The following GAS2 variants were observed in gnomAD, a reference collection of about 807,000 sequenced individuals.
The protein encoded by GAS2 is growth arrest-specific protein 2.
A neutral mutation model predicts 37.5 loss-of-function variants in GAS2; 20 were observed. That is an observed-to-expected ratio of 0.53 (90% CI 0.37 to 0.77). The LOEUF is 0.77. Ranked by LOEUF, GAS2 falls within the 30% of genes least tolerant of loss-of-function variation. The pLI is 0.00. For missense variants in GAS2, 336 were observed against 373.4 expected, an observed-to-expected ratio of 0.90 and a Z score of 0.82; for synonymous variants, 144 against 132.2, an observed-to-expected ratio of 1.09 and a Z score of -0.61.
intron 7 of GAS2, among the ~76,000 whole-genome samples, chr11:22,785,159 C>CT (rs1420038086): frequency 6.6e-6 from 1 of 152,164 alleles, no homozygotes; most frequent in African/African-American, 2.4e-5. Flanking sequence ...CTCTCCCACA[C>CT]TTTGCATCAT....
At chr11:22,707,278 C>T (rs1851174379) in intron 3 of GAS2, among the ~76,000 whole-genome samples, 1 of 152,164 alleles carries the variant, frequency 6.6e-6, no homozygotes, top group African/African-American at 2.4e-5. Flanking sequence ...TGCATTGTAC[C>T]TTCATGAGTA....
intron 1 of GAS2, chr11:22,672,513 G>T (rs1013224210): frequency 5.3e-5 from 8 of 152,106 alleles, no homozygotes; most frequent in African/African-American, 1.9e-4. Flanking sequence ...AGAATCTGAG[G>T]TGTCTTCTTG....
chr11:22,798,667 C>T (rs542493722), intron 7 of GAS2, among the ~76,000 whole-genome samples: 2 of 151,998 alleles, frequency 1.3e-5, no homozygotes, highest in East Asian at 1.9e-4. Flanking sequence ...TGTAATCGCA[C>T]GTAACTAGAG....
chr11:22,800,756 T>A (rs1257718811), intron 7 of GAS2, among the ~76,000 whole-genome samples: 1 of 152,122 alleles, frequency 6.6e-6, no homozygotes, highest in Non-Finnish European at 1.5e-5. Flanking sequence ...TTCAAGCAGA[T>A]CTATGCTGGG....
At chr11:22,705,224 G>T (rs1851053229) in intron 3 of GAS2, among the ~76,000 whole-genome samples, 1 of 152,032 alleles carries the variant, frequency 6.6e-6, no homozygotes, top group South Asian at 2.1e-4. Flanking sequence ...AGCCACACTG[G>T]ACTCCTTGCA....
intron 5 of GAS2, among the ~76,000 whole-genome samples, chr11:22,747,544 T>C (rs1257188491): frequency 1.3e-5 from 2 of 152,108 alleles, no homozygotes; most frequent in East Asian, 3.9e-4. Flanking sequence ...TCCTAACACA[T>C]AGCACCCCTC....
At chr11:22,752,698 AC>A (rs1853810152) in intron 6 of GAS2, among the ~76,000 whole-genome samples, 1 of 151,812 alleles carries the variant, frequency 6.6e-6, no homozygotes, top group African/African-American at 2.4e-5. Flanking sequence ...GGAAAAAAAA[AC>A]AAGAAGAAGA....
chr11:22,752,841 A>C (rs1325672853), intron 6 of GAS2, among the ~76,000 whole-genome samples: 1 of 152,108 alleles, frequency 6.6e-6, no homozygotes, highest in East Asian at 1.9e-4. Flanking sequence ...TTAGGGGAAT[A>C]GTGGGAAAAA....
chr11:22,713,628 T>C (rs1851519157), intron 3 of GAS2, among the ~76,000 whole-genome samples: 3 of 152,120 alleles, frequency 2.0e-5, no homozygotes. Flanking sequence ...AGGTAGCCTG[T>C]AAAATAAAAC....
chr11:22,704,623 A>G (rs547369501), intron 3 of GAS2, among the ~76,000 whole-genome samples: 1 of 140,310 alleles, frequency 7.1e-6, no homozygotes, highest in African/African-American at 2.7e-5. Context: ...ATATATATAT[A>G]TTTTGCTCAT....
intron 6 of GAS2, among the ~76,000 whole-genome samples, chr11:22,751,027 A>C (rs7937109): frequency 0.011 from 1,746 of 152,074 alleles, 29 homozygotes; most frequent in African/African-American, 0.04. Flanking sequence ...CTTGAAATGC[A>C]TCTCTACAAC....
chr11:22,663,556 T>C (rs1848940302), upstream of GAS2, among the ~76,000 whole-genome samples: 1 of 152,174 alleles, frequency 6.6e-6, no homozygotes, highest in African/African-American at 2.4e-5. Flanking sequence ...AAAATGAGTC[T>C]TGCACAGGAG....
chr11:22,799,919 G>A (rs1432841119), intron 7 of GAS2, among the ~76,000 whole-genome samples: 3 of 152,070 alleles, frequency 2.0e-5, no homozygotes, highest in Non-Finnish European at 4.4e-5. Flanking sequence ...AATATTTGTT[G>A]AATGATCAAA....
intron 7 of GAS2, among the ~76,000 whole-genome samples, chr11:22,763,610 T>TACAC (rs1482270791): frequency 1.8e-4 from 15 of 84,530 alleles, no homozygotes; most frequent in African/African-American, 6.5e-4. Context: ...TTTAAAAAAA[T>TACAC]ACACATACAC....
At chr11:22,740,091 C>T (rs2134238833) in intron 5 of GAS2, among the ~76,000 whole-genome samples, 1 of 152,278 alleles carries the variant, frequency 6.6e-6, no homozygotes, top group East Asian at 1.9e-4. Context: ...TTAAGAATCA[C>T]CTTTCCTCCA....
At chr11:22,719,996 T>A (rs1210922183) in intron 3 of GAS2, among the ~76,000 whole-genome samples, 3 of 152,068 alleles carry the variant, frequency 2.0e-5, no homozygotes, top group African/African-American at 7.2e-5. Context: ...GTTTGAGGAC[T>A]AGGTTTGACC....
At chr11:22,809,313 T>G (rs1169631514) in intron 7 of GAS2, among the ~76,000 whole-genome samples, 1 of 152,088 alleles carries the variant, frequency 6.6e-6, no homozygotes, top group African/African-American at 2.4e-5. Context: ...GGAATGTAGC[T>G]ACATGTAGGA....
At chr11:22,743,852 C>G (rs1317087057) in intron 5 of GAS2, among the ~76,000 whole-genome samples, 3 of 151,740 alleles carry the variant, frequency 2.0e-5, no homozygotes, top group African/African-American at 7.3e-5. Context: ...TCAATGAAAC[C>G]CAAAGTTGGT....
In GAS2 at chr11:22,811,837, G is replaced by A; in HGVS notation, c.763G>A (p.Gly255Ser). Residue 255 changes from glycine (G) to serine (S), a missense_variant, in exon 8 of 8, where the codon GGC (glycine) becomes AGC (serine). Coordinates refer to ENST00000454584, the MANE Select transcript of GAS2 (RefSeq NM_001143830.3). ...NKHVMVRVGGGWETFAGYLLK... is the reference protein window; with the variant it reads ...NKHVMVRVGGSWETFAGYLLK... ...ACATGTCATGGTCCGTGTGGGAGGAGGCTGGGAAACTTTTGCAGGGTATTT... is the reference window on the plus strand; with the variant it reads ...ACATGTCATGGTCCGTGTGGGAGGAAGCTGGGAAACTTTTGCAGGGTATTT... 6.2e-7 allele frequency: 1 copy of A among 1,614,132 alleles called. No homozygotes were observed. Among genetic ancestry groups the A allele is most frequent in the Non-Finnish European group, 8.5e-7 (1 of 1,180,010 alleles).
Sources: allele counts gnomAD v4.1 joint callset (sites outside exome capture counted in the v4.1 genomes callset), GRCh38; gene constraint gnomAD v4.1.1; transcripts MANE v1.5; gene names NCBI Gene and HGNC (gene_info 2026-07-23, HGNC 2026-07-21).